TRAF2: variants seen among roughly 807,000 people sequenced by gnomAD.
TRAF2 encodes TNF receptor associated factor 2.
TRAF2 carries 6 observed loss-of-function variants against 55.6 expected under a neutral mutation model. The ratio of observed to expected loss-of-function variants is 0.11; its 90% CI spans 0.06 to 0.21. TRAF2 has a LOEUF of 0.21. Ranked by LOEUF, TRAF2 falls within the 10% of genes least tolerant of loss-of-function variation. The pLI, the probability that TRAF2 is intolerant of heterozygous loss-of-function variation, is 1.00. For synonymous variants in TRAF2, 329 were observed against 276.3 expected (o/e 1.19, Z -1.89); for missense variants, 561 against 684.5 (o/e 0.82, Z 2.01).
At chr9:136,903,828 G>A (rs976094028) in intron 4 of TRAF2, among the ~76,000 whole-genome samples, 2 of 151,900 alleles carry the variant, frequency 1.3e-5, no homozygotes, top group South Asian at 2.1e-4. Context: ...GACTACAGGC[G>A]CCCCCACCAC....
At chr9:136,925,641 G>A (rs1035743359) in intron 10 of TRAF2, 42 bp from the exon 11 acceptor site, 19 of 1,597,142 alleles carry the variant, frequency 1.2e-5, no homozygotes, top group Non-Finnish European at 1.6e-5. Context: ...GAGAGAGACG[G>A]CCCACAGACC....
chr9:136,920,826 G>A lies in TRAF2; in HGVS notation c.961-212G>A, dbSNP rs1003108104. Among the ~76,000 whole-genome samples, 7 of 152,344 alleles carry A rather than the reference G, an allele frequency of 4.6e-5. No homozygotes were observed. In the East Asian group the frequency reaches 9.6e-4, roughly 21 times the overall value. On this transcript the variant is annotated intron_variant, in intron 8 of 10. Transcript: ENST00000247668. Reference sequence around the variant, plus strand: ...ATGGCCTGGTGTGGCTTCTGAGCACGCTTGCTGGCCCGGAGCTTCTGTGTG... The same window carrying A: ...ATGGCCTGGTGTGGCTTCTGAGCACACTTGCTGGCCCGGAGCTTCTGTGTG...
upstream of TRAF2, chr9:136,886,387 T>C (rs912094753): frequency 2.0e-6 from 2 of 986,044 alleles, no homozygotes; most frequent in African/African-American, 3.5e-5. Flanking sequence ...GCGGGGCGTA[T>C]CTGGCCAATG....
upstream of TRAF2, among the ~76,000 whole-genome samples, chr9:136,883,688 T>C (rs1209916243): frequency 6.6e-6 from 1 of 152,056 alleles, no homozygotes; most frequent in African/African-American, 2.4e-5. Context: ...AGCTGATTTT[T>C]GTATTTTTAG....
At position 136,906,463 on chromosome 9, in the gene TRAF2, A is replaced by G. The variant is rs182746549; in HGVS notation, c.367-1607A>G. Among the ~76,000 whole-genome samples, 378 of 152,236 alleles carry G rather than the reference A, an allele frequency of 2.5e-3. 1 individual carries two copies. The highest frequency in any genetic ancestry group is 4.7e-3 in the Non-Finnish European group (321 of 68,004). ...CAGGGGAACTGCCCTTTATCAAACC[A>G]TCAGATCCCATGAGACTTACTATCA... On this transcript the variant is annotated intron_variant, in intron 4 of 10. Transcript: ENST00000247668.
chr9:136,914,243 G>A (rs183771537), intron 6 of TRAF2, among the ~76,000 whole-genome samples: 40 of 152,310 alleles, frequency 2.6e-4, no homozygotes, highest in African/African-American at 8.7e-4. Flanking sequence ...CCTGCCGTGG[G>A]CAGCCTGGGG....
chr9:136,898,745 C>A lies in TRAF2; in HGVS notation c.5C>A (p.Ala2Asp). 1.2e-6 allele frequency: 2 copies of A among 1,613,404 alleles called. No homozygotes were observed. Among genetic ancestry groups the A allele is most frequent in the Non-Finnish European group, 1.7e-6 (2 of 1,180,010 alleles). ...TTCGCGGGGGTCACAGCTCTCATGG[C>A]TGCAGCTAGCGTGACCCCCCCTGGC... Reference protein sequence around the residue: MAAASVTPPGSL... With the variant: MDAASVTPPGSL... Residue 2 changes from alanine (A) to aspartate (D), a missense_variant, in exon 2 of 11, where the codon GCT (alanine) becomes GAT (aspartate). This residue lies in a region of TRAF2 where 426 missense variants were observed against 476.8 expected (regional missense o/e 0.89). Coordinates refer to ENST00000247668, the MANE Select transcript of TRAF2 (RefSeq NM_021138.4).
At position 136,925,658 on chromosome 9, in the gene TRAF2, C is replaced by T. The variant is rs553385988; in HGVS notation, c.1288-25C>T. 133 of 1,611,270 alleles carry T rather than the reference C, an allele frequency of 8.3e-5. 2 individuals are homozygous for T. The South Asian group carries it at 1.4e-3, about 17-fold the overall frequency. On this transcript the variant is annotated intron_variant, in intron 10 of 10. Transcript: ENST00000247668. Reference sequence around the variant, plus strand: ...GAGAGACGGCCCACAGACCTGTGTCCCCTCCCTGGGGCTCTCTCCTCCAGG... The same window carrying T: ...GAGAGACGGCCCACAGACCTGTGTCTCCTCCCTGGGGCTCTCTCCTCCAGG...
intron 6 of TRAF2, among the ~76,000 whole-genome samples, chr9:136,914,683 A>AC (rs1766679853): frequency 6.6e-6 from 1 of 152,184 alleles, no homozygotes; most frequent in African/African-American, 2.4e-5. Context: ...ATACATAAGA[A>AC]CGGTGTCAGT....
intron 9 of TRAF2, chr9:136,922,316 A>C (rs771780863): frequency 6.6e-6 from 1 of 152,330 alleles, no homozygotes; most frequent in Non-Finnish European, 1.5e-5. Context: ...CCTGCAGGGC[A>C]TGGCCCTGTT....
At chr9:136,906,798 C>T (rs4880157) in intron 4 of TRAF2, among the ~76,000 whole-genome samples, 116,216 of 152,230 alleles carry the variant, frequency 0.76, 44,629 homozygotes, top group East Asian at 0.87. Context: ...TTCAGTCTGC[C>T]GGCAGGTCCA....
At chr9:136,906,067 G>A (rs1478214019) in intron 4 of TRAF2, among the ~76,000 whole-genome samples, 4 of 152,148 alleles carry the variant, frequency 2.6e-5, no homozygotes, top group Non-Finnish European at 4.4e-5. Context: ...AGCCGAGATC[G>A]CGCCACTGCA....
intron 4 of TRAF2, 54 bp downstream of exon 4, chr9:136,900,574 T>A: frequency 7.0e-7 from 1 of 1,438,482 alleles, no homozygotes; most frequent in Non-Finnish European, 9.8e-7. Context: ...TCGGGAGTCG[T>A]CCACGCTCCC....
chr9:136,915,632 C>T (rs955219049), intron 6 of TRAF2, among the ~76,000 whole-genome samples: 8 of 151,934 alleles, frequency 5.3e-5, no homozygotes, highest in African/African-American at 1.9e-4. Flanking sequence ...ACTCGAGCAT[C>T]CTTGGGTTTC....
intron 1 of TRAF2, among the ~76,000 whole-genome samples, chr9:136,894,999 T>G (rs1849651656): frequency 6.6e-6 from 1 of 152,044 alleles, no homozygotes; most frequent in Non-Finnish European, 1.5e-5. Flanking sequence ...TAAAGAAAAA[T>G]GAAAGCCTCC....
At chr9:136,892,238 C>G (rs180907622) in intron 1 of TRAF2, among the ~76,000 whole-genome samples, 215 of 152,000 alleles carry the variant, frequency 1.4e-3, no homozygotes, top group Non-Finnish European at 2.4e-3. Flanking sequence ...CCGAGGCGGG[C>G]AGATCACGAG....
In TRAF2 at chr9:136,899,668, G is replaced by C; in HGVS notation, c.263G>C (p.Ser88Thr). Reference protein sequence around the residue: ...YEEGISILESSSAFPDNAARR... With the variant: ...YEEGISILESTSAFPDNAARR... The stretch of plus-strand genomic sequence containing the variant: ...GAAGGCATTTCTATTTTAGAAAGCA[G>C]TTCGGTAAGTAAAATGTCTTGAAGC... Residue 88 changes from serine (S) to threonine (T), a missense_variant, in exon 3 of 11, where the codon AGT becomes ACT. By Grantham distance (58) the Ser-to-Thr change is moderately conservative. Around this residue, in one of 2 missense-constraint regions of TRAF2, gnomAD observed 426 missense variants for 476.8 expected, o/e 0.89. Coordinates refer to ENST00000247668, the MANE Select transcript of TRAF2 (RefSeq NM_021138.4). 1 of 1,612,092 alleles carries C rather than the reference G, an allele frequency of 6.2e-7. No homozygotes were observed. Among genetic ancestry groups the C allele is most frequent in the Non-Finnish European group, 8.5e-7 (1 of 1,178,548 alleles).
upstream of TRAF2, among the ~76,000 whole-genome samples, chr9:136,883,562 G>C (rs991011018): frequency 6.6e-6 from 1 of 152,054 alleles, no homozygotes; most frequent in African/African-American, 2.4e-5. Context: ...TGTCACCCAG[G>C]GTGGAATGCA....
At chr9:136,900,656 G>A (rs1314681464) in intron 4 of TRAF2, 136 bp downstream of exon 4, 1 of 753,928 alleles carries the variant, frequency 1.3e-6, no homozygotes, top group African/African-American at 1.7e-5. Flanking sequence ...TGTGGAGGAA[G>A]AGACGGAGCT....
Sources: allele counts gnomAD v4.1 joint callset (sites outside exome capture counted in the v4.1 genomes callset), GRCh38; gene constraint gnomAD v4.1.1; regional missense constraint gnomAD v4.1.1; transcripts MANE v1.5; gene names NCBI Gene and HGNC (gene_info 2026-07-23, HGNC 2026-07-21).